DMD: variants seen among roughly 807,000 people sequenced by gnomAD.
DMD encodes mutant dystrophin.
DMD carries 63 observed loss-of-function variants against 330.1 expected under a neutral mutation model. The observed-to-expected ratio is 0.19, with a 90% CI of 0.16 to 0.24. The LOEUF (loss-of-function observed/expected upper bound fraction) is 0.24. Ranked by LOEUF, DMD falls within the 10% of genes least tolerant of loss-of-function variation. The probability of loss-of-function intolerance (pLI) is 1.00; values close to 1 mark genes in which losing one functional copy is unlikely to be tolerated. For synonymous variants in DMD, 1,223 were observed against 959.8 expected (o/e 1.27, Z -5.07); for missense variants, 3,344 against 2,684.1 (o/e 1.25, Z -5.43).
intron 1 of DMD, among the ~76,000 whole-genome samples, chrX:33,061,254 G>A (rs189318932): frequency 1.7e-4 from 19 of 112,166 alleles, no homozygotes; most frequent in African/African-American, 5.5e-4. Flanking sequence ...TTTTGCTCAG[G>A]GACACTTACA....
chrX:33,295,020 G>A (rs1569559639), intron 1 of DMD, among the ~76,000 whole-genome samples: 1 of 111,198 alleles, frequency 9.0e-6, no homozygotes, highest in Non-Finnish European at 1.9e-5. Context: ...ACAATGAAAA[G>A]CAACAGAGAC....
intron 60 of DMD, among the ~76,000 whole-genome samples, chrX:31,413,308 G>C (rs1311409046): frequency 1.8e-5 from 2 of 112,401 alleles, no homozygotes; most frequent in African/African-American, 6.5e-5. Flanking sequence ...CACAAAGTCA[G>C]ATGTTCCTCA....
chrX:33,181,346 TA>T (rs60704057), intron 1 of DMD, among the ~76,000 whole-genome samples: 15,171 of 106,282 alleles, frequency 0.14, 1,454 homozygotes, highest in East Asian at 0.41. Flanking sequence ...GATAAAACTA[TA>T]AAAAAAAAAT....
At chrX:33,244,876 G>A (rs1246537731) in intron 1 of DMD, among the ~76,000 whole-genome samples, 1 of 111,493 alleles carries the variant, frequency 9.0e-6, no homozygotes, top group African/African-American at 3.3e-5. Flanking sequence ...ATATTGACAA[G>A]CCCTAGTGTC....
At chrX:31,228,275 T>TAAAAAAAAAAAAAAAAAAAAAAAAA in intron 63 of DMD, among the ~76,000 whole-genome samples, 1 of 83,996 alleles carries the variant, frequency 1.2e-5, no homozygotes, top group Non-Finnish European at 2.4e-5. Flanking sequence ...AATAAAAAAA[T>TAAAAAAAAAAAAAAAAAAAAAAAAA]AAAAAAAAAA....
rs1028359 is a variant in DMD, at chrX:32,484,752, C to A, written c.2803+167G>T. On this transcript the variant is annotated intron_variant, in intron 21 of 78. Coordinates refer to ENST00000357033, the MANE Select transcript of DMD (RefSeq NM_004006.3). Reference sequence around the variant, plus strand: ...ATTATTATGAGGACAAAAAAATCTACAGACAGCTTATCTGTTACACCAGTA... The same window carrying A: ...ATTATTATGAGGACAAAAAAATCTAAAGACAGCTTATCTGTTACACCAGTA... Among the ~76,000 whole-genome samples the A allele has an allele frequency of 0.047, 5,311 of 112,088 alleles. 154 individuals are homozygous for A. Among genetic ancestry groups the A allele is most frequent in the African/African-American group, 0.09 (2,779 of 30,904 alleles).
intron 55 of DMD, among the ~76,000 whole-genome samples, chrX:31,616,522 C>A (rs1412287608): frequency 9.0e-6 from 1 of 111,107 alleles, no homozygotes; most frequent in Non-Finnish European, 1.9e-5. Context: ...GCTTTGAAGT[C>A]AAAAAAGGTG....
chrX:32,107,717 T>A (rs1258819221), intron 44 of DMD, among the ~76,000 whole-genome samples: 2 of 110,873 alleles, frequency 1.8e-5, no homozygotes, highest in Non-Finnish European at 3.8e-5. Context: ...CTTTACTCAG[T>A]CTACCAATTT....
chrX:31,201,443 C>T (rs1009794176), intron 67 of DMD, among the ~76,000 whole-genome samples: 1 of 112,461 alleles, frequency 8.9e-6, no homozygotes. Flanking sequence ...AGGCATTCAA[C>T]AAATATGCAA....
chrX:32,574,437 T>G (rs1404947690), intron 13 of DMD, among the ~76,000 whole-genome samples: 1 of 112,056 alleles, frequency 8.9e-6, no homozygotes, highest in African/African-American at 3.2e-5. Flanking sequence ...TAAAAACTAC[T>G]ATATCATTAA....
chrX:32,042,206 T>C (rs768308669), intron 44 of DMD, among the ~76,000 whole-genome samples: 1,059 of 84,785 alleles, frequency 0.012, 7 homozygotes, highest in Non-Finnish European at 0.016. Context: ...CACACACACA[T>C]ACACATACAC....
At chrX:32,179,391 A>G (rs767809824) in intron 44 of DMD, among the ~76,000 whole-genome samples, 1 of 112,090 alleles carries the variant, frequency 8.9e-6, no homozygotes, top group East Asian at 2.8e-4. Context: ...TAACTTGAAC[A>G]TGTATAAATT....
chrX:32,106,578 A>G (rs1391658431), intron 44 of DMD, among the ~76,000 whole-genome samples: 1 of 111,572 alleles, frequency 9.0e-6, no homozygotes, highest in East Asian at 2.8e-4. Context: ...CAGCTTCTGT[A>G]GTCTATGATA....
chrX:32,841,818 A>G (rs1031540547), intron 4 of DMD, among the ~76,000 whole-genome samples: 1 of 112,160 alleles, frequency 8.9e-6, no homozygotes, highest in Middle Eastern at 4.6e-3. Context: ...ATAAAAATAT[A>G]AAGTTTTAAA....
rs1336310112 is a variant in DMD at position 31,209,715 on chromosome X, A to G, written c.9362-16T>C. ...AAGAGATCCACTGCAAAAAACAAATAAAATCACAAATGACTCAAAGAGTAA... is the reference window on the plus strand; with the variant it reads ...AAGAGATCCACTGCAAAAAACAAATGAAATCACAAATGACTCAAAGAGTAA... On this transcript the variant is annotated splice_polypyrimidine_tract_variant and intron_variant, in intron 64 of 78. Coordinates refer to ENST00000357033, the MANE Select transcript of DMD (RefSeq NM_004006.3). The G allele has an allele frequency of 8.3e-7, 1 of 1,199,561 alleles. No homozygotes were observed. Among genetic ancestry groups the G allele is most frequent in the Non-Finnish European group, 1.1e-6 (1 of 886,003 alleles).
At chrX:32,660,559 C>A (rs761059460) in intron 9 of DMD, among the ~76,000 whole-genome samples, 1 of 111,380 alleles carries the variant, frequency 9.0e-6, no homozygotes, top group Non-Finnish European at 1.9e-5. Context: ...TATAATGGGA[C>A]TACCACCAAA....
chrX:33,214,941 C>G (rs890014378), upstream of DMD, among the ~76,000 whole-genome samples: 1 of 112,456 alleles, frequency 8.9e-6, no homozygotes, highest in Non-Finnish European at 1.9e-5. Context: ...GCATGAGCCA[C>G]CACACTCGGC....
intron 44 of DMD, among the ~76,000 whole-genome samples, chrX:32,094,826 C>T (rs931568923): frequency 7.2e-5 from 8 of 111,697 alleles, no homozygotes; most frequent in African/African-American, 2.3e-4. Context: ...CAAAACGATG[C>T]TTAGTGGCTT....
intron 41 of DMD, among the ~76,000 whole-genome samples, chrX:32,321,348 T>C (rs1482522856): frequency 1.8e-5 from 2 of 111,479 alleles, no homozygotes; most frequent in African/African-American, 3.3e-5. Context: ...GAGAGAATGA[T>C]GATGAACTGG....
Sources: allele counts gnomAD v4.1 joint callset (sites outside exome capture counted in the v4.1 genomes callset), GRCh38; gene constraint gnomAD v4.1.1; transcripts MANE v1.5; gene names NCBI Gene and HGNC (gene_info 2026-07-23, HGNC 2026-07-21).